Variants in NSUN7 observed in about 807,000 individuals in gnomAD.
NSUN7 encodes NOP2/Sun RNA methyltransferase family member 7.
NSUN7 carries 39 observed loss-of-function variants against 58.5 expected under a neutral mutation model. The observed-to-expected ratio is 0.67, with a 90% confidence interval of 0.52 to 0.87. The LOEUF (loss-of-function observed/expected upper bound fraction) is 0.87, where lower values mean the gene tolerates loss of function less well. Ranked by LOEUF, NSUN7 falls within the 40% of genes least tolerant of loss-of-function variation. The probability of loss-of-function intolerance (pLI) is 0.00; values close to 1 mark genes in which losing one functional copy is unlikely to be tolerated. For missense variants in NSUN7, 765 were observed against 844.1 expected (o/e 0.91, Z 1.16); for synonymous variants, 278 against 303.7 (o/e 0.92, Z 0.88).
At chr4:40,786,020 A>G in intron 7 of NSUN7, 1 of 1,459,508 alleles carries the variant, frequency 6.9e-7, no homozygotes, top group Non-Finnish European at 9.2e-7. Context: ...AAGGACAGTT[A>G]GTCAGTCTTA....
At position 40,776,219 on chromosome 4, in the gene NSUN7, T is replaced by A; in HGVS notation, c.996T>A (p.Asp332Glu). 6.2e-7 allele frequency: 1 copy of A among 1,610,290 alleles called. No individual in the cohort carries two copies. The highest frequency in any genetic ancestry group is 1.1e-5 in the South Asian group (1 of 90,428). The change falls in exon 7 of 12, where the codon GAT becomes GAA. Residue 332 changes from aspartate (D) to glutamate (E), a missense_variant. Transcript: ENST00000381782. ...GTGGAGTACAATCACAAGCTAAGGA[T>A]CCTGACTTGAAGACCCTTTTCACAA... ...FVCGVQSQAK[D>E]PDLKTLFTKI... is the part of the protein sequence containing the mutation.
intron 10 of NSUN7, among the ~76,000 whole-genome samples, chr4:40,802,602 C>G (rs546161234): frequency 7.2e-4 from 106 of 147,576 alleles, no homozygotes; most frequent in Non-Finnish European, 1.1e-3. Context: ...CCAGCATGTA[C>G]CAGCTGAATA....
At chr4:40,780,024 G>A (rs1218790931) in intron 7 of NSUN7, among the ~76,000 whole-genome samples, 1 of 152,140 alleles carries the variant, frequency 6.6e-6, no homozygotes, top group African/African-American at 2.4e-5. Flanking sequence ...GCTCATGCCT[G>A]TAATCCTAGC....
intron 2 of NSUN7, among the ~76,000 whole-genome samples, chr4:40,751,511 G>T (rs1161154042): frequency 1.3e-5 from 2 of 152,096 alleles, no homozygotes; most frequent in African/African-American, 2.4e-5. Flanking sequence ...CAGTGAGGGA[G>T]GATGGGGAGA....
chr4:40,794,332 T>A, intron 8 of NSUN7, 43 bp from the exon 9 acceptor site: 1 of 1,158,104 alleles, frequency 8.6e-7, no homozygotes, highest in Non-Finnish European at 1.3e-6. Flanking sequence ...GTAAAAAGTT[T>A]TTAATGGTGC....
intron 7 of NSUN7, among the ~76,000 whole-genome samples, chr4:40,788,676 A>G (rs929824711): frequency 1.3e-5 from 2 of 152,130 alleles, no homozygotes; most frequent in Non-Finnish European, 2.9e-5. Flanking sequence ...GTTTATCCCT[A>G]TGGTGGCTGT....
chr4:40,792,696 G>A lies in NSUN7; in HGVS notation c.1181-1679G>A, dbSNP rs541768667. Among the ~76,000 whole-genome samples the A allele has an allele frequency of 4.7e-4, 72 of 152,158 alleles. 1 individual carries two copies. In the South Asian group the frequency reaches 7.7e-3, roughly 16 times the overall value. On this transcript the variant is annotated intron_variant, in intron 8 of 11. Coordinates refer to ENST00000381782, the MANE Select transcript of NSUN7 (RefSeq NM_024677.6). Reference sequence around the variant, plus strand: ...AACCCCGGGGGGCGGAGCCTGCAGTGAGCCGAGATCGCGCCACTGCACTCC... The same window carrying A: ...AACCCCGGGGGGCGGAGCCTGCAGTAAGCCGAGATCGCGCCACTGCACTCC...
chr4:40,780,786 CATACACATATAT>C (rs1260306651), intron 7 of NSUN7, among the ~76,000 whole-genome samples: 15 of 98,182 alleles, frequency 1.5e-4, no homozygotes, highest in Non-Finnish European at 2.3e-4. Context: ...CACACACACA[CATACACATATAT>C]ATATATATAT....
chr4:40,753,527 T>A (rs1411223016), intron 2 of NSUN7, among the ~76,000 whole-genome samples: 1 of 152,212 alleles, frequency 6.6e-6, no homozygotes, highest in East Asian at 1.9e-4. Flanking sequence ...TGCCTTGGCC[T>A]CCCAAAGTGC....
intron 4 of NSUN7, among the ~76,000 whole-genome samples, chr4:40,765,220 C>T (rs1418530745): frequency 2.6e-5 from 2 of 78,280 alleles, no homozygotes; most frequent in Admixed American, 1.7e-4. Flanking sequence ...TTAGGTCTAA[C>T]GTTTAAGTCT....
At position 40,750,778 on chromosome 4, in the gene NSUN7, G is replaced by A. The variant is rs544067242; in HGVS notation, c.85G>A (p.Gly29Ser). The change falls in exon 2 of 12, where the codon GGT becomes AGT. Residue 29 changes from glycine (G) to serine (S), a missense_variant. Physicochemically the swap from Gly to Ser is moderately conservative, Grantham distance 56. Coordinates refer to ENST00000381782, the MANE Select transcript of NSUN7 (RefSeq NM_024677.6). The stretch of plus-strand genomic sequence containing the variant: ...CCAACTCACTTCCCTGCCTCTGTCC[G>A]GTGGGAAAAGCTCAGCTGGTGTGCC... ...ISQLTSLPLS[G>S]GKSSAGVPEK... The A allele has an allele frequency of 3.1e-6, 5 of 1,614,206 alleles. No homozygotes were observed. In the East Asian group the frequency reaches 8.9e-5, roughly 29 times the overall value.
intron 7 of NSUN7, among the ~76,000 whole-genome samples, chr4:40,789,425 G>A (rs1742978639): frequency 6.6e-6 from 1 of 152,190 alleles, no homozygotes; most frequent in Admixed American, 6.5e-5. Flanking sequence ...ACACGTGTGA[G>A]ACTGTTGGGA....
At chr4:40,767,068 G>C (rs1272135157) in intron 4 of NSUN7, among the ~76,000 whole-genome samples, 1 of 150,200 alleles carries the variant, frequency 6.7e-6, no homozygotes, top group Non-Finnish European at 1.5e-5. Flanking sequence ...AGGGTTTTTT[G>C]TGTCTCTATT....
chr4:40,801,272 T>C (rs1205616300), intron 10 of NSUN7, among the ~76,000 whole-genome samples: 1 of 152,190 alleles, frequency 6.6e-6, no homozygotes, highest in Non-Finnish European at 1.5e-5. Flanking sequence ...AGAAGGGTAT[T>C]GTGAATGGTG....
rs1346003567 is a variant in NSUN7, at chr4:40,751,218, C to T, written c.298+227C>T. Reference sequence around the variant, plus strand: ...CCGTGCACTGTGTTTGTCCTTAGATCGGTGTAGTGCGCGGTCATTACATTC... The same window carrying T: ...CCGTGCACTGTGTTTGTCCTTAGATTGGTGTAGTGCGCGGTCATTACATTC... On this transcript the variant is annotated intron_variant, in intron 2 of 11. Transcript: ENST00000381782. Among the ~76,000 whole-genome samples the T allele has an allele frequency of 3.9e-5, 6 of 152,296 alleles. No individual in the cohort carries two copies. In the East Asian group the frequency reaches 1.2e-3, roughly 29 times the overall value.
At chr4:40,807,212 C>T in intron 11 of NSUN7, 28 bp downstream of exon 11, 1 of 1,533,636 alleles carries the variant, frequency 6.5e-7, no homozygotes. Context: ...TAATCCATGT[C>T]ATACTTTGGA....
intron 10 of NSUN7, 136 bp from the exon 11 acceptor site, chr4:40,806,925 A>G (rs754415731): frequency 2.1e-5 from 17 of 817,420 alleles, no homozygotes; most frequent in Non-Finnish European, 3.3e-5. Context: ...CTGCTTCAGA[A>G]TTGTGTTCTT....
chr4:40,752,883 G>A (rs764737294), intron 2 of NSUN7, among the ~76,000 whole-genome samples: 6 of 10,206 alleles, frequency 5.9e-4, no homozygotes, highest in Non-Finnish European at 1.2e-3. Flanking sequence ...TTTTAAGTCC[G>A]TCTTAACCAT....
chr4:40,759,763 G>A (rs755652825), intron 2 of NSUN7, among the ~76,000 whole-genome samples: 4 of 152,138 alleles, frequency 2.6e-5, no homozygotes, highest in South Asian at 2.1e-4. Flanking sequence ...ATTAGCAGCC[G>A]GGTATGGTGG....
Sources: allele counts gnomAD v4.1 joint callset (sites outside exome capture counted in the v4.1 genomes callset), GRCh38; gene constraint gnomAD v4.1.1; transcripts MANE v1.5; gene names NCBI Gene and HGNC (gene_info 2026-07-23, HGNC 2026-07-21).